DTNB: variants seen among roughly 807,000 people sequenced by gnomAD.
DTNB encodes DTN-B.
DTNB carries 63 observed loss-of-function variants against 90.7 expected under a neutral mutation model. The ratio of observed to expected loss-of-function variants is 0.69; its 90% confidence interval spans 0.57 to 0.86. DTNB has a LOEUF of 0.86. Among genes scored for constraint, DTNB ranks in the 40% least tolerant of loss-of-function variants. The probability of loss-of-function intolerance (pLI) is 0.00; values close to 1 mark genes in which losing one functional copy is unlikely to be tolerated. For synonymous variants in DTNB, 277 were observed against 286.7 expected (o/e 0.97, Z 0.34); for missense variants, 744 against 807.1 (o/e 0.92, Z 0.95).
In DTNB at chr2:25,465,626, C is replaced by T. The variant is rs1028089977; in HGVS notation, c.1080-10132G>A. Among the ~76,000 whole-genome samples, 16 of 152,180 alleles carry T rather than the reference C, an allele frequency of 1.1e-4. No homozygotes were observed. In the South Asian group the frequency reaches 1.7e-3, roughly 16 times the overall value. On this transcript the variant is annotated intron_variant, in intron 10 of 20. Transcript: ENST00000406818. ...CTGACCTTTCCACTATTCCAGAAAA[C>T]ACCCAGTACCTTCCCACCATGGGAC...
Position 25,596,228 on chromosome 2 carries a change from T to C in DTNB, c.461A>G (p.Gln154Arg). The C allele has an allele frequency of 1.2e-6, 2 of 1,607,156 alleles. No homozygotes were observed. Among genetic ancestry groups the C allele is most frequent in the Non-Finnish European group, 8.5e-7 (1 of 1,177,426 alleles). ...CATTAAGCCATTGGAATCTGACATC[T>C]GGGAGAAAACATCTATGAGAACAAA... ...MLDKLRYVFS[Q>R]MSDSNGLMIF... The change falls in exon 6 of 21, where the codon CAG becomes CGG. Residue 154 changes from glutamine (Q) to arginine (R), a missense_variant. Physicochemically the swap from Gln to Arg is conservative, Grantham distance 43. Transcript: ENST00000406818.
chr2:25,489,092 A>G (rs889790208), intron 9 of DTNB, among the ~76,000 whole-genome samples: 1 of 152,200 alleles, frequency 6.6e-6, no homozygotes, highest in Non-Finnish European at 1.5e-5. Context: ...GCACAAATTG[A>G]GCTTACTGGT....
Position 25,647,168 on chromosome 2 carries a change from A to G in DTNB, c.67+5426T>C, listed in dbSNP as rs188530716. Among the ~76,000 whole-genome samples the G allele has an allele frequency of 4.6e-4, 70 of 152,376 alleles. 1 individual carries two copies. The highest frequency in any genetic ancestry group is 1.7e-3 in the African/African-American group (70 of 41,598). The stretch of plus-strand genomic sequence containing the variant: ...ACAAAATAGACTTCAAAGCATCAAA[A>G]GCATTACTAGAAAAAGAGGGTAACT... On this transcript the variant is annotated intron_variant, in intron 2 of 20. Transcript: ENST00000406818.
intron 16 of DTNB, among the ~76,000 whole-genome samples, chr2:25,400,575 T>G (rs958181957): frequency 1.3e-5 from 2 of 152,194 alleles, no homozygotes; most frequent in African/African-American, 4.8e-5. Flanking sequence ...GATGGGGATA[T>G]GTTGTCCAAT....
In DTNB at chr2:25,432,556, A is replaced by G. The variant is rs769718709; in HGVS notation, c.1457+330T>C. On this transcript the variant is annotated intron_variant, in intron 14 of 20. Transcript: ENST00000406818. ...AGCATTCTTCCCGCCAAGTGTCTCT[A>G]AAGTCAGACAAATTAGCAAGTTAAG... Among the ~76,000 whole-genome samples, 9 of 152,350 alleles carry G rather than the reference A, an allele frequency of 5.9e-5. No individual in the cohort carries two copies. The East Asian group carries it at 1.3e-3, about 23-fold the overall frequency.
intron 1 of DTNB, among the ~76,000 whole-genome samples, chr2:25,665,019 A>T (rs1195808632): frequency 6.6e-6 from 1 of 152,242 alleles, no homozygotes. Flanking sequence ...GATCCTTGTT[A>T]GTTCTTACAC....
At chr2:25,397,507 G>A (rs187701783) in intron 16 of DTNB, among the ~76,000 whole-genome samples, 8 of 152,120 alleles carry the variant, frequency 5.3e-5, no homozygotes, top group African/African-American at 1.9e-4. Context: ...GGCTGGTTTC[G>A]AGTTTGCCTG....
intron 3 of DTNB, among the ~76,000 whole-genome samples, chr2:25,630,844 CA>C (rs1169600129): frequency 0.022 from 1,368 of 62,984 alleles, 7 homozygotes; most frequent in African/African-American, 0.046. Context: ...AACTCCGTCC[CA>C]AAAAAAAAAA....
chr2:25,636,366 C>T (rs1050928712), intron 3 of DTNB, among the ~76,000 whole-genome samples: 13 of 152,118 alleles, frequency 8.5e-5, no homozygotes, highest in Admixed American at 8.5e-4. Flanking sequence ...TAGAATCCTA[C>T]GTGAAAGGTA....
At chr2:25,583,399 A>C (rs1198741256) in intron 6 of DTNB, among the ~76,000 whole-genome samples, 2 of 151,864 alleles carry the variant, frequency 1.3e-5, no homozygotes, top group African/African-American at 4.8e-5. Context: ...ATAAATTAAA[A>C]GTTTAATATT....
At chr2:25,513,443 T>C (rs905622551) in intron 9 of DTNB, among the ~76,000 whole-genome samples, 26 of 151,948 alleles carry the variant, frequency 1.7e-4, no homozygotes, top group African/African-American at 6.0e-4. Context: ...AGGAAATAGG[T>C]CGGGCTTGGT....
At chr2:25,436,062 G>A (rs754637261) in intron 12 of DTNB, among the ~76,000 whole-genome samples, 2 of 152,198 alleles carry the variant, frequency 1.3e-5, no homozygotes, top group African/African-American at 2.4e-5. Flanking sequence ...TAGCCAGCAG[G>A]TGCGGTGGCT....
At chr2:25,566,317 C>G (rs1460873940) in intron 8 of DTNB, among the ~76,000 whole-genome samples, 2 of 152,158 alleles carry the variant, frequency 1.3e-5, no homozygotes, top group Non-Finnish European at 2.9e-5. Flanking sequence ...AACAGGGAGC[C>G]AGCAGGAGGC....
At chr2:25,449,283 G>A (rs544605103) in intron 12 of DTNB, among the ~76,000 whole-genome samples, 18 of 152,282 alleles carry the variant, frequency 1.2e-4, no homozygotes, top group African/African-American at 4.3e-4. Flanking sequence ...GAATTGAACT[G>A]CTATGAACAT....
intron 12 of DTNB, among the ~76,000 whole-genome samples, chr2:25,439,611 T>C (rs994202124): frequency 1.3e-5 from 2 of 152,206 alleles, no homozygotes; most frequent in African/African-American, 4.8e-5. Context: ...AAAATAAACA[T>C]TGCTTTGGCT....
intron 16 of DTNB, among the ~76,000 whole-genome samples, chr2:25,413,101 A>AT: frequency 6.6e-6 from 1 of 152,210 alleles, no homozygotes; most frequent in East Asian, 1.9e-4. Flanking sequence ...AGACAAGGTG[A>AT]TTTTTATGCC....
chr2:25,474,188 G>A (rs1020184765), intron 10 of DTNB, among the ~76,000 whole-genome samples: 3 of 151,914 alleles, frequency 2.0e-5, no homozygotes, highest in South Asian at 2.1e-4. Flanking sequence ...GAAAACTGGC[G>A]GTCTGCCCAG....
At chr2:25,567,212 A>G (rs1042529336) in intron 8 of DTNB, among the ~76,000 whole-genome samples, 1 of 152,240 alleles carries the variant, frequency 6.6e-6, no homozygotes, top group Non-Finnish European at 1.5e-5. Flanking sequence ...TTTAATTATG[A>G]CACGTGGCTA....
At chr2:25,579,285 C>T (rs1376090089) in intron 7 of DTNB, among the ~76,000 whole-genome samples, 1 of 152,174 alleles carries the variant, frequency 6.6e-6, no homozygotes, top group Non-Finnish European at 1.5e-5. Context: ...TAGAGAGATT[C>T]TGGTCCTTTA....
Sources: allele counts gnomAD v4.1 joint callset (sites outside exome capture counted in the v4.1 genomes callset), GRCh38; gene constraint gnomAD v4.1.1; transcripts MANE v1.5; gene names NCBI Gene and HGNC (gene_info 2026-07-23, HGNC 2026-07-21).